CFAP53: variants seen among roughly 807,000 people sequenced by gnomAD.
CFAP53 encodes the protein cilia- and flagella-associated protein 53.
In CFAP53, 62 loss-of-function variants were observed where a neutral mutation model predicts 59.7. That is an observed-to-expected ratio of 1.04 (90% CI 0.85 to 1.28). The LOEUF (loss-of-function observed/expected upper bound fraction) is 1.28, where lower values mean the gene tolerates loss of function less well. Among genes scored for constraint, CFAP53 ranks in the 50% most tolerant of loss-of-function variants. The probability of loss-of-function intolerance (pLI) is 0.00; values close to 1 mark genes in which losing one functional copy is unlikely to be tolerated. For missense variants in CFAP53, 629 were observed against 615.6 expected, an observed-to-expected ratio of 1.02 and a Z score of -0.23; for synonymous variants, 218 against 205.7, an observed-to-expected ratio of 1.06 and a Z score of -0.51.
rs375999918 is a variant in CFAP53 at position 50,247,455 on chromosome 18, T to C, written c.996+3303A>G. Among the ~76,000 whole-genome samples the C allele has an allele frequency of 3.3e-5, 5 of 152,320 alleles. No homozygotes were observed. In the South Asian group the frequency reaches 1.0e-3, roughly 32 times the overall value. ...ATGGCCCAGTAGTACTACTTCTAGA[T>C]ACATGCCCCAAAGAAAAATAAAAAC... On this transcript the variant is annotated intron_variant, in intron 5 of 7. Coordinates refer to ENST00000398545, the MANE Select transcript of CFAP53 (RefSeq NM_145020.5).
At chr18:50,232,779 T>C (rs780964065) in intron 7 of CFAP53, among the ~76,000 whole-genome samples, 1 of 152,220 alleles carries the variant, frequency 6.6e-6, no homozygotes, top group Non-Finnish European at 1.5e-5. Flanking sequence ...TGGCGGGAGA[T>C]AAACAAAAGT....
chr18:50,252,886 C>G (rs570221510), intron 3 of CFAP53, among the ~76,000 whole-genome samples: 3 of 152,242 alleles, frequency 2.0e-5, no homozygotes, highest in Non-Finnish European at 4.4e-5. Flanking sequence ...CATGCTGGCA[C>G]ACGCCTGTAG....
At chr18:50,251,435 C>T in intron 4 of CFAP53, 46 bp downstream of exon 4, 1 of 1,529,744 alleles carries the variant, frequency 6.5e-7, no homozygotes, top group Non-Finnish European at 8.9e-7. Flanking sequence ...AACTGTACTA[C>T]ACCCATGGCG....
At chr18:50,231,380 GCC>G (rs1325678268) in intron 7 of CFAP53, among the ~76,000 whole-genome samples, 1 of 152,186 alleles carries the variant, frequency 6.6e-6, no homozygotes, top group Non-Finnish European at 1.5e-5. Context: ...CATTTTGGTA[GCC>G]TGTATGGGAA....
chr18:50,229,913 A>G (rs1489774333), intron 7 of CFAP53, among the ~76,000 whole-genome samples: 1 of 151,700 alleles, frequency 6.6e-6, no homozygotes, highest in Non-Finnish European at 1.5e-5. Flanking sequence ...ACACCCAGCT[A>G]ATTTTTTTGT....
At chr18:50,257,471 T>C (rs1008884184) in intron 3 of CFAP53, among the ~76,000 whole-genome samples, 7 of 152,202 alleles carry the variant, frequency 4.6e-5, no homozygotes, top group African/African-American at 1.7e-4. Flanking sequence ...TCTATATGCT[T>C]ACACTGAACA....
Position 50,251,461 on chromosome 18 carries a change from C to T in CFAP53, c.777+20G>A. 6.2e-7 allele frequency: 1 copy of T among 1,602,408 alleles called. No individual in the cohort carries two copies. Among genetic ancestry groups the T allele is most frequent in the Non-Finnish European group, 8.5e-7 (1 of 1,175,078 alleles). ...ACCCATGGCGTTGATCACCCTCTAACAAGCATTTTAAAGGCCCACCACAAG... is the reference window on the plus strand; with the variant it reads ...ACCCATGGCGTTGATCACCCTCTAATAAGCATTTTAAAGGCCCACCACAAG... On this transcript the variant is annotated intron_variant, in intron 4 of 7. Transcript: ENST00000398545.
chr18:50,242,514 G>T (rs1349954611), intron 6 of CFAP53, among the ~76,000 whole-genome samples: 1 of 152,166 alleles, frequency 6.6e-6, no homozygotes, highest in Non-Finnish European at 1.5e-5. Flanking sequence ...GCTTCAGCCG[G>T]TCCCTCCATT....
At chr18:50,256,819 A>T (rs2144429827) in intron 3 of CFAP53, among the ~76,000 whole-genome samples, 1 of 151,688 alleles carries the variant, frequency 6.6e-6, no homozygotes, top group East Asian at 1.9e-4. Flanking sequence ...TGGTCTACTC[A>T]AATTTTGAGT....
chr18:50,251,444 C>T (rs1363286827), intron 4 of CFAP53, 37 bp downstream of exon 4: 34 of 1,563,878 alleles, frequency 2.2e-5, no homozygotes, highest in Non-Finnish European at 2.7e-5. Context: ...ACACCCATGG[C>T]GTTGATCACC....
rs1000124255 is a variant in CFAP53 at position 50,266,475 on chromosome 18, G to A, written c.-71C>T. The A allele has an allele frequency of 2.0e-6, 3 of 1,473,656 alleles. No homozygotes were observed. The highest frequency in any genetic ancestry group is 2.3e-5 in the East Asian group (1 of 44,222). The allele number at this position is 1,473,656 out of a possible 1,614,324, so 91.3% of individuals were successfully genotyped here. On this transcript the variant is annotated 5_prime_UTR_variant, in exon 1 of 8. Transcript: ENST00000398545. Reference sequence around the variant, plus strand: ...CCAACCGTGGCGACCTGCGGGACCCGCTTCCGCGACGCAGAAGTCTGGTTG... The same window carrying A: ...CCAACCGTGGCGACCTGCGGGACCCACTTCCGCGACGCAGAAGTCTGGTTG...
At chr18:50,251,423 C>T in intron 4 of CFAP53, 58 bp downstream of exon 4, 16 of 1,472,196 alleles carry the variant, frequency 1.1e-5, no homozygotes, top group Non-Finnish European at 1.5e-5. Context: ...AACAGGCCTG[C>T]AAACTGTACT....
intron 7 of CFAP53, among the ~76,000 whole-genome samples, chr18:50,236,748 C>T (rs1004614621): frequency 2.6e-5 from 4 of 152,194 alleles, no homozygotes; most frequent in African/African-American, 7.2e-5. Flanking sequence ...TATATAGCCT[C>T]AGTCATGTGG....
At position 50,234,048 on chromosome 18, in the gene CFAP53, T is replaced by A. The variant is rs146025854; in HGVS notation, c.1316+4555A>T. Among the ~76,000 whole-genome samples, 30 of 152,320 alleles carry A rather than the reference T, an allele frequency of 2.0e-4. No individual in the cohort carries two copies. In the East Asian group the frequency reaches 4.8e-3, roughly 25 times the overall value. On this transcript the variant is annotated intron_variant, in intron 7 of 7. Coordinates refer to ENST00000398545, the MANE Select transcript of CFAP53 (RefSeq NM_145020.5). ...GGCACTTGTAAGGCTCACCTCTGCA[T>A]CAGAAACTCCAAAGGGTCTGGCCCT... is the stretch of plus-strand genomic sequence containing the variant.
At chr18:50,260,152 T>A (rs150078435) in intron 3 of CFAP53, among the ~76,000 whole-genome samples, 3,980 of 152,222 alleles carry the variant, frequency 0.026, 76 homozygotes, top group Non-Finnish European at 0.042. Flanking sequence ...GGGTAGTCTA[T>A]CAGGGCACAG....
chr18:50,264,643 A>T (rs182945736), intron 1 of CFAP53, among the ~76,000 whole-genome samples: 1 of 152,212 alleles, frequency 6.6e-6, no homozygotes, highest in Admixed American at 6.5e-5. Flanking sequence ...TCTAACATCT[A>T]TCTTTCTTAT....
In CFAP53 at chr18:50,250,789, T is replaced by C. The variant is rs373718138; in HGVS notation, c.965A>G (p.Gln322Arg). The change falls in exon 5 of 8, where the codon CAG becomes CGG. Residue 322 changes from glutamine to arginine, a missense_variant. By Grantham distance (43) the Gln-to-Arg change is conservative. Transcript: ENST00000398545. ...KLVQRALQDLQEEADKKKQKR... is the reference protein window; with the variant it reads ...KLVQRALQDLREEADKKKQKR... ...TTGTTTCTTTTTATCTGCCTCTTCC[T>C]GTAAGTCTTGAAGGGCCCTTTGCAC... is the stretch of plus-strand genomic sequence containing the variant. The C allele has an allele frequency of 4.0e-5, 64 of 1,614,100 alleles. No homozygotes were observed. The highest frequency in any genetic ancestry group is 4.9e-5 in the Non-Finnish European group (58 of 1,180,040).
chr18:50,239,417 A>G (rs1037000469), intron 6 of CFAP53, among the ~76,000 whole-genome samples: 3 of 152,032 alleles, frequency 2.0e-5, no homozygotes, highest in South Asian at 2.1e-4. Context: ...ATCCCAATAG[A>G]AAAAAAAGAC....
At chr18:50,254,362 A>G (rs117037027) in intron 3 of CFAP53, among the ~76,000 whole-genome samples, 50 of 152,328 alleles carry the variant, frequency 3.3e-4, no homozygotes, top group Non-Finnish European at 6.2e-4. Context: ...TAAGCACATG[A>G]AAAGTTGCTC....
Sources: allele counts gnomAD v4.1 joint callset (sites outside exome capture counted in the v4.1 genomes callset), GRCh38; gene constraint gnomAD v4.1.1; transcripts MANE v1.5; gene names NCBI Gene and HGNC (gene_info 2026-07-23, HGNC 2026-07-21).